Variants in SLC29A4 observed in about 807,000 individuals in gnomAD.
The protein encoded by SLC29A4 is solute carrier family 29 member 4.
A neutral mutation model predicts 43.9 loss-of-function variants in SLC29A4; 36 were observed. The observed-to-expected ratio is 0.82, with a 90% CI of 0.63 to 1.08. The LOEUF (loss-of-function observed/expected upper bound fraction) is 1.08, where lower values mean the gene tolerates loss of function less well. SLC29A4 is among the 50% of genes least tolerant of loss of function. The pLI, the probability that SLC29A4 is intolerant of heterozygous loss-of-function variation, is 0.00. For synonymous variants in SLC29A4, 491 were observed against 338.0 expected, an observed-to-expected ratio of 1.45 and a Z score of -4.97; for missense variants, 869 against 755.3, an observed-to-expected ratio of 1.15 and a Z score of -1.77.
At position 5,295,018 on chromosome 7, in the gene SLC29A4, C is replaced by G. The variant is rs1266589609; in HGVS notation, c.619+84C>G. 5.8e-6 allele frequency: 7 copies of G among 1,216,630 alleles called. No homozygotes were observed. In the South Asian group the frequency reaches 8.7e-5, roughly 15 times the overall value. The allele number at this position is 1,216,630 out of a possible 1,614,324, so 75.4% of individuals were successfully genotyped here. On this transcript the variant is annotated intron_variant, in intron 6 of 10. Coordinates refer to ENST00000396872, the MANE Select transcript of SLC29A4 (RefSeq NM_153247.4). ...TTCTTCCCAGGGACTCCCCATGATG[C>G]TCCCCGGTCTGGGAGGGAGGCTCAC...
chr7:5,286,444 AC>A (rs1375171584), intron 1 of SLC29A4, among the ~76,000 whole-genome samples: 1 of 151,332 alleles, frequency 6.6e-6, no homozygotes, highest in Non-Finnish European at 1.5e-5. Context: ...AATCGCTGGA[AC>A]CCAGGAGACG....
rs747673942 is a variant in SLC29A4 at position 5,297,006 on chromosome 7, C to T, written c.690C>T (p.Ser230=). The change falls in exon 7 of 11, where the codon AGC becomes AGT. Residue 230 remains serine, a synonymous_variant. Transcript: ENST00000396872. ...TKLLLPDERA[S]TLIFFLVSVA... The stretch of plus-strand genomic sequence containing the variant: ...TGCTGCTGCCCGACGAGCGCGCCAG[C>T]ACGCTCATCTTCTTCCTGGTGTCGG... The T allele has an allele frequency of 1.9e-6, 3 of 1,605,014 alleles. No individual in the cohort carries two copies. The highest frequency in any genetic ancestry group is 1.7e-6 in the Non-Finnish European group (2 of 1,179,612).
chr7:5,295,988 G>A (rs184365905), intron 6 of SLC29A4, among the ~76,000 whole-genome samples: 1 of 151,968 alleles, frequency 6.6e-6, no homozygotes, highest in African/African-American at 2.4e-5. Context: ...ACTGGGCAGT[G>A]GCGCATGGTC....
rs1583680840 is a variant in SLC29A4 at position 5,300,451 on chromosome 7, G to C, written c.1239G>C (p.Arg413=). The change falls in exon 10 of 11, where the codon CGG becomes CGC. Residue 413 remains arginine, a synonymous_variant. Transcript: ENST00000396872. The part of the protein sequence containing the change: ...KILAALPVDW[R]GTHLLACSCL... ...TGGCAGCCCTGCCCGTGGACTGGCG[G>C]GGCACCCACCTGCTGGCCTGCTCCT... The C allele has an allele frequency of 2.5e-6, 4 of 1,611,316 alleles. No individual in the cohort carries two copies. The highest frequency in any genetic ancestry group is 3.4e-6 in the Non-Finnish European group (4 of 1,179,722).
At chr7:5,298,855 C>T in intron 7 of SLC29A4, 133 bp from the exon 8 acceptor site, 4 of 934,152 alleles carry the variant, frequency 4.3e-6, no homozygotes, top group South Asian at 1.7e-5. Flanking sequence ...GGAGGGGTGT[C>T]TGCACACAGT....
chr7:5,299,502 G>C, intron 9 of SLC29A4, 75 bp downstream of exon 9: 1 of 1,484,140 alleles, frequency 6.7e-7, no homozygotes, highest in Non-Finnish European at 9.1e-7. Context: ...GGCCTATCCG[G>C]GAAGGGTTCT....
At chr7:5,298,770 A>G (rs1373823228) in intron 7 of SLC29A4, among the ~76,000 whole-genome samples, 1 of 152,210 alleles carries the variant, frequency 6.6e-6, no homozygotes, top group Non-Finnish European at 1.5e-5. Flanking sequence ...ACTGCACTCC[A>G]GCCTCGGCAA....
Position 5,303,099 on chromosome 7 carries a change from C to A in SLC29A4, c.*160C>A. ...GGGTCCAGCCATGCCCCACCCTGGACTGAAGTTCTGCAAAGTCCTCCGAGG... is the reference window on the plus strand; with the variant it reads ...GGGTCCAGCCATGCCCCACCCTGGAATGAAGTTCTGCAAAGTCCTCCGAGG... On this transcript the variant is annotated 3_prime_UTR_variant, in exon 11 of 11. Transcript: ENST00000396872. 6 of 847,912 alleles carry A rather than the reference C, an allele frequency of 7.1e-6. No homozygotes were observed. Among genetic ancestry groups the A allele is most frequent in the South Asian group, 1.7e-5 (1 of 57,910 alleles). The allele number at this position is 847,912 out of a possible 1,614,324, so 52.5% of individuals were successfully genotyped here.
chr7:5,302,843 C>T lies in SLC29A4; in HGVS notation c.1497C>T (p.Ser499=), dbSNP rs149588788. ...VSYMSGLTLG[S]AVAYCTYSLT... is the part of the protein sequence containing the mutation. Reference sequence around the variant, plus strand: ...ACATGTCAGGGCTGACGCTGGGGTCCGCCGTGGCCTACTGCACCTACAGCC... The same window carrying T: ...ACATGTCAGGGCTGACGCTGGGGTCTGCCGTGGCCTACTGCACCTACAGCC... Residue 499 remains serine, a synonymous_variant, in exon 11 of 11, where the codon TCC becomes TCT. Transcript: ENST00000396872. 0.041 allele frequency: 64,592 copies of T among 1,584,626 alleles called. 1,538 individuals carry two copies. The highest frequency in any genetic ancestry group is 0.059 in the Middle Eastern group (323 of 5,446).
chr7:5,291,190 A>T lies in SLC29A4; in HGVS notation c.368A>T (p.Asn123Ile). The T allele has an allele frequency of 1.2e-6, 2 of 1,613,648 alleles. No individual in the cohort carries two copies. Among genetic ancestry groups the T allele is most frequent in the Non-Finnish European group, 8.5e-7 (1 of 1,179,984 alleles). ...GTGGCACTGGCAGCTGTCCTCCTGA[A>T]CAACGTCCTGGTGGAGAGACTGACC... ...ILVALAAVLL[N>I]NVLVERLTLH... The change falls in exon 4 of 11, where the codon AAC (asparagine) becomes ATC (isoleucine). Residue 123 changes from asparagine to isoleucine, a missense_variant. Transcript: ENST00000396872.
At chr7:5,292,615 G>A (rs1203346597) in intron 5 of SLC29A4, among the ~76,000 whole-genome samples, 1 of 145,020 alleles carries the variant, frequency 6.9e-6, no homozygotes, top group Non-Finnish European at 1.5e-5. Flanking sequence ...AGAGTTAGTT[G>A]TAGATGTCAT....
intron 2 of SLC29A4, 30 bp downstream of exon 2, chr7:5,288,015 C>G: frequency 6.3e-7 from 1 of 1,584,782 alleles, no homozygotes; most frequent in Non-Finnish European, 8.6e-7. Context: ...AGGTGCGGGT[C>G]TTGCCCCAAA....
In SLC29A4 at chr7:5,306,810, C is replaced by A. The variant is rs1284765159; in HGVS notation, c.*3871C>A. 2.0e-5 allele frequency: 3 copies of A among 151,650 alleles called. No homozygotes were observed. Among genetic ancestry groups the A allele is most frequent in the African/African-American group, 7.3e-5 (3 of 41,148 alleles). The allele number at this position is 151,650 out of a possible 1,614,324, so 9.4% of individuals were successfully genotyped here. A position where few individuals can be genotyped will look rare whatever the true frequency, so the allele number is the denominator to read the frequency against. On this transcript the variant is annotated 3_prime_UTR_variant, in exon 11 of 11. Coordinates refer to ENST00000396872, the MANE Select transcript of SLC29A4 (RefSeq NM_153247.4). ...GACAATTTTATTTTTCCAATTAAATCTTTTCTTTTTTTTTATGAAAAAAGA... is the reference window on the plus strand; with the variant it reads ...GACAATTTTATTTTTCCAATTAAATATTTTCTTTTTTTTTATGAAAAAAGA...
intron 1 of SLC29A4, among the ~76,000 whole-genome samples, chr7:5,284,036 C>G (rs1454564826): frequency 8.5e-5 from 7 of 81,896 alleles, no homozygotes; most frequent in South Asian, 5.2e-4. Context: ...TGCACGACCC[C>G]CCCCCCCACC....
At chr7:5,290,030 C>T (rs895465764) in intron 2 of SLC29A4, among the ~76,000 whole-genome samples, 3 of 150,556 alleles carry the variant, frequency 2.0e-5, no homozygotes, top group Admixed American at 6.7e-5. Flanking sequence ...GAAATATAGG[C>T]GTGCACCACC....
chr7:5,289,570 C>G (rs1484364503), intron 2 of SLC29A4, among the ~76,000 whole-genome samples: 5 of 152,026 alleles, frequency 3.3e-5, no homozygotes, highest in Admixed American at 6.6e-5. Flanking sequence ...GGGTAATTTC[C>G]CTTTTGATAA....
In SLC29A4 at chr7:5,302,989, G is replaced by A. The variant is rs372247058; in HGVS notation, c.*50G>A. 61 of 1,567,134 alleles carry A rather than the reference G, an allele frequency of 3.9e-5. No individual in the cohort carries two copies. Among genetic ancestry groups the A allele is most frequent in the Non-Finnish European group, 4.7e-5 (54 of 1,159,022 alleles). ...CGCCGAGGGCCTGACCAGGGGCCCCGAGGCCTGAGGGCCCCTCCCCTGTCC... is the reference window on the plus strand; with the variant it reads ...CGCCGAGGGCCTGACCAGGGGCCCCAAGGCCTGAGGGCCCCTCCCCTGTCC... On this transcript the variant is annotated 3_prime_UTR_variant, in exon 11 of 11. Coordinates refer to ENST00000396872, the MANE Select transcript of SLC29A4 (RefSeq NM_153247.4).
intron 1 of SLC29A4, among the ~76,000 whole-genome samples, chr7:5,285,079 C>G (rs1784866530): frequency 6.6e-6 from 1 of 152,238 alleles, no homozygotes; most frequent in African/African-American, 2.4e-5. Context: ...TTTCCTGGCT[C>G]TGCAGGCTGA....
intron 1 of SLC29A4, 33 bp from the exon 2 acceptor site, chr7:5,287,776 C>G: frequency 6.3e-7 from 1 of 1,599,020 alleles, no homozygotes; most frequent in Non-Finnish European, 8.5e-7. Context: ...AGCCTTCTTC[C>G]CTCACCTGCT....
Sources: allele counts gnomAD v4.1 joint callset (sites outside exome capture counted in the v4.1 genomes callset), GRCh38; gene constraint gnomAD v4.1.1; transcripts MANE v1.5; gene names NCBI Gene and HGNC (gene_info 2026-07-23, HGNC 2026-07-21).